Variants in ECE1 observed in about 807,000 individuals in gnomAD.
The protein encoded by ECE1 is endothelin-converting enzyme 1.
Under a neutral mutation model 98.6 loss-of-function variants are expected in ECE1, and 35 were observed. The observed-to-expected ratio is 0.35, with a 90% CI of 0.27 to 0.47. The LOEUF (loss-of-function observed/expected upper bound fraction) is 0.47. Ranked by LOEUF, ECE1 falls within the 20% of genes least tolerant of loss-of-function variation. The pLI is 1.00. For missense variants in ECE1, 814 were observed against 1,025.3 expected, an observed-to-expected ratio of 0.79 and a Z score of 2.81; for synonymous variants, 394 against 407.1, an observed-to-expected ratio of 0.97 and a Z score of 0.39.
intron 2 of ECE1, chr1:21,279,721 C>T (rs2098252193): frequency 7.6e-7 from 1 of 1,314,616 alleles, no homozygotes; most frequent in Admixed American, 3.5e-5. Context: ...GCCCCCACAT[C>T]AGCGGGGTCA....
chr1:21,258,723 A>G lies in ECE1; in HGVS notation c.732T>C (p.Asp244=). The G allele has an allele frequency of 6.2e-7, 1 of 1,614,186 alleles. No individual in the cohort carries two copies. The highest frequency in any genetic ancestry group is 1.1e-5 in the South Asian group (1 of 91,082). Residue 244 remains aspartate (D), a synonymous_variant, in exon 6 of 19, where the codon GAT becomes GAC. Transcript: ENST00000374893. This position sits in a 1 kb window ranked among gnomAD's most constrained non-coding sequence, Gnocchi z 4.2. ...SPFFSVYVSA[D]SKNSNSNVIQ... ...TCACGTTGCTGTTGGAGTTCTTGGAATCGGCACTGACATAGACAGAGAAGA... is the reference window on the plus strand; with the variant it reads ...TCACGTTGCTGTTGGAGTTCTTGGAGTCGGCACTGACATAGACAGAGAAGA...
At chr1:21,228,160 G>A (rs1477000498) in intron 14 of ECE1, 119 bp from the exon 15 acceptor site, 9 of 711,534 alleles carry the variant, frequency 1.3e-5, no homozygotes, top group Non-Finnish European at 2.1e-5. Flanking sequence ...GACTCTCCTT[G>A]ACCCCAGGCC....
chr1:21,237,792 A>C (rs1417972984), intron 11 of ECE1, among the ~76,000 whole-genome samples: 1 of 152,076 alleles, frequency 6.6e-6, no homozygotes, highest in African/African-American at 2.4e-5. Flanking sequence ...TCACCCACAA[A>C]ATAAGAAAAA....
rs1477386905 is a variant in ECE1 at position 21,258,137 on chromosome 1, T to A, written c.763-547A>T. Among the ~76,000 whole-genome samples, 1 of 152,186 alleles carries A rather than the reference T, an allele frequency of 6.6e-6. No homozygotes were observed. Among genetic ancestry groups the A allele is most frequent in the Non-Finnish European group, 1.5e-5 (1 of 68,048 alleles). ...ATACCTAGGACAGGTGTTATTGCAA[T>A]CCATTTGATTTATAAGGTAACTGTA... is the stretch of plus-strand genomic sequence containing the variant. On this transcript the variant is annotated intron_variant, in intron 6 of 18. Coordinates refer to ENST00000374893, the MANE Select transcript of ECE1 (RefSeq NM_001397.3). The surrounding 1 kb of genome is among the most constrained non-coding windows in gnomAD (Gnocchi z 4.2).
Position 21,227,201 on chromosome 1 carries a change from C to A in ECE1, c.1807G>T (p.Val603Phe). 6.2e-7 allele frequency: 1 copy of A among 1,614,142 alleles called. No individual in the cohort carries two copies. Among genetic ancestry groups the A allele is most frequent in the African/African-American group, 1.3e-5 (1 of 75,060 alleles). Reference protein sequence around the residue: ...PKALNFGGIGVVVGHELTHAF... With the variant: ...PKALNFGGIGFVVGHELTHAF... ...TGAGTCAGCTCATGGCCCACGACGACACCTATGCCACCAAAGTTTAAGGCC... is the reference window on the plus strand; with the variant it reads ...TGAGTCAGCTCATGGCCCACGACGAAACCTATGCCACCAAAGTTTAAGGCC... Residue 603 changes from valine to phenylalanine, a missense_variant, in exon 16 of 19, where the codon GTC becomes TTC. By Grantham distance (50) the Val-to-Phe change is conservative. Around this residue, in one of 3 missense-constraint regions of ECE1, gnomAD observed 452 missense variants for 567.3 expected, o/e 0.80. Coordinates refer to ENST00000374893, the MANE Select transcript of ECE1 (RefSeq NM_001397.3).
At chr1:21,271,328 A>G (rs1286579246) in intron 4 of ECE1, among the ~76,000 whole-genome samples, 2 of 152,240 alleles carry the variant, frequency 1.3e-5, no homozygotes, top group Non-Finnish European at 2.9e-5. Flanking sequence ...CCTGTAATCT[A>G]AAAGACCCAG....
intron 1 of ECE1, among the ~76,000 whole-genome samples, chr1:21,341,530 C>T (rs1215731668): frequency 6.6e-6 from 1 of 152,254 alleles, no homozygotes; most frequent in Non-Finnish European, 1.5e-5. Flanking sequence ...TTGTAGCCCT[C>T]TCATGCCTCA....
In ECE1 at chr1:21,290,375, ACAG is replaced by A; in HGVS notation, c.37_39del (p.Leu13del). The stretch of plus-strand genomic sequence containing the variant: ...CGCGCCCGCCTCACCCCCAGCGCCG[ACAG>A]CAGGGCGGACACCGGGGGCGGCCAC... On this transcript the variant is annotated inframe_deletion, in exon 1 of 19. Coordinates refer to ENST00000374893, the MANE Select transcript of ECE1 (RefSeq NM_001397.3). This position sits in a 1 kb window ranked among gnomAD's most constrained non-coding sequence, Gnocchi z 7.3. The A allele has an allele frequency of 2.5e-6, 3 of 1,208,560 alleles. No homozygotes were observed. Among genetic ancestry groups the A allele is most frequent in the Non-Finnish European group, 3.1e-6 (3 of 976,572 alleles). 74.9% of individuals were successfully genotyped at this position (1,208,560 alleles called of 1,614,324 possible). A position where few individuals can be genotyped will look rare whatever the true frequency, so the allele number is the denominator to read the frequency against.
At chr1:21,236,632 A>T in intron 12 of ECE1, 114 bp downstream of exon 12, 1 of 1,053,906 alleles carries the variant, frequency 9.5e-7, no homozygotes, top group Non-Finnish European at 1.5e-6. Context: ...CTGGGTAACA[A>T]GAACGAAACT....
intron 4 of ECE1, among the ~76,000 whole-genome samples, chr1:21,263,008 C>T (rs1335129681): frequency 6.6e-6 from 1 of 152,204 alleles, no homozygotes; most frequent in Non-Finnish European, 1.5e-5. Context: ...CATCTGATTA[C>T]GCACGGGGTG....
rs1201962729 is a variant in ECE1, at chr1:21,233,260, A to C, written c.1670+298T>G. 1 of 337,070 alleles carries C rather than the reference A, an allele frequency of 3.0e-6. No homozygotes were observed. The highest frequency in any genetic ancestry group is 6.1e-5 in the East Asian group (1 of 16,384). The allele number at this position is 337,070 out of a possible 1,614,324, so 20.9% of individuals were successfully genotyped here. A position where few individuals can be genotyped will look rare whatever the true frequency, so the allele number is the denominator to read the frequency against. On this transcript the variant is annotated intron_variant, in intron 14 of 18. Transcript: ENST00000374893. This position sits in a 1 kb window ranked among gnomAD's most constrained non-coding sequence, Gnocchi z 4.0. ...TGCGGAAAATGAAATGAAGGCTCCA[A>C]ATCCCAAAGCAGTGGAGCGGAGACA...
intron 1 of ECE1, among the ~76,000 whole-genome samples, chr1:21,317,524 T>A (rs2103397567): frequency 6.6e-6 from 1 of 152,338 alleles, no homozygotes; most frequent in South Asian, 2.1e-4. Context: ...GATTGAGCAA[T>A]CTTGGTCCCC....
intron 8 of ECE1, among the ~76,000 whole-genome samples, chr1:21,252,827 C>T (rs940946969): frequency 1.3e-5 from 2 of 152,186 alleles, no homozygotes; most frequent in Non-Finnish European, 2.9e-5. Flanking sequence ...TGATTTAGTG[C>T]TGGGTTCCTG....
chr1:21,273,346 CGT>C (rs60168069), intron 3 of ECE1, among the ~76,000 whole-genome samples: 12,458 of 132,964 alleles, frequency 0.094, 563 homozygotes, highest in Middle Eastern at 0.18. Context: ...TGCGTGTGTG[CGT>C]GTGTGTGTGT....
intron 14 of ECE1, 56 bp from the exon 15 acceptor site, chr1:21,228,097 C>T: frequency 1.4e-6 from 2 of 1,419,744 alleles, no homozygotes; most frequent in South Asian, 1.2e-5. Flanking sequence ...CAGGTGGGGA[C>T]AGCCTGCCTG....
At chr1:21,259,817 G>T (rs1011835887) in intron 5 of ECE1, among the ~76,000 whole-genome samples, 1 of 152,172 alleles carries the variant, frequency 6.6e-6, no homozygotes, top group Admixed American at 6.5e-5. Context: ...TAGGAGAGTG[G>T]CCTGGGTCCC....
chr1:21,231,131 A>AT (rs1286548921), intron 14 of ECE1, among the ~76,000 whole-genome samples: 1 of 152,088 alleles, frequency 6.6e-6, no homozygotes, highest in Non-Finnish European at 1.5e-5. Flanking sequence ...CCCAGCAATA[A>AT]TTTTTTTGAG....
chr1:21,243,328 T>C (rs1444889643), intron 10 of ECE1, among the ~76,000 whole-genome samples: 1 of 152,030 alleles, frequency 6.6e-6, no homozygotes, highest in African/African-American at 2.4e-5. Flanking sequence ...CTCAAAGTTG[T>C]AAATATCAGA....
chr1:21,311,594 C>T (rs776827072), intron 1 of ECE1, among the ~76,000 whole-genome samples: 2 of 150,032 alleles, frequency 1.3e-5, no homozygotes, highest in African/African-American at 4.9e-5. Flanking sequence ...GTGGGAGGAT[C>T]GCTTGAGCTC....
Sources: gnomAD v4.1 joint callset for allele counts (sites outside exome capture counted in the v4.1 genomes callset) on GRCh38, gnomAD v4.1.1 for gene constraint, gnomAD v4.1.1 regional missense constraint, Gnocchi (gnomAD v3.1) non-coding constraint, MANE v1.5 for transcripts, NCBI Gene and HGNC (gene_info 2026-07-23, HGNC 2026-07-21) for gene names.